HDAC9: variants seen among roughly 807,000 people sequenced by gnomAD.
HDAC9 encodes the protein histone deacetylase 9.
Under a neutral mutation model 139.4 loss-of-function variants are expected in HDAC9, and 41 were observed. The observed-to-expected ratio is 0.29, with a 90% confidence interval of 0.23 to 0.38. The LOEUF (loss-of-function observed/expected upper bound fraction) is 0.38, where lower values mean the gene tolerates loss of function less well. HDAC9 is among the 10% of genes least tolerant of loss of function. The probability of loss-of-function intolerance (pLI) is 1.00; values close to 1 mark genes in which losing one functional copy is unlikely to be tolerated. For synonymous variants in HDAC9, 517 were observed against 476.2 expected (o/e 1.09, Z -1.12); for missense variants, 1,147 against 1,297.0 (o/e 0.88, Z 1.78).
chr7:18,567,159 C>T (rs140582788), intron 2 of HDAC9, among the ~76,000 whole-genome samples: 1,990 of 152,262 alleles, frequency 0.013, 25 homozygotes, highest in Non-Finnish European at 0.018. Flanking sequence ...CCAAATTTAT[C>T]TCGAGGGGAA....
In HDAC9 at chr7:18,705,074, G is replaced by A. The variant is rs143899844; in HGVS notation, c.1732-22506G>A. Among the ~76,000 whole-genome samples the A allele has an allele frequency of 4.4e-4, 67 of 152,210 alleles. 1 individual carries two copies. Among genetic ancestry groups the A allele is most frequent in the Admixed American group, 5.2e-4 (8 of 15,292 alleles). ...ATATGATTTTTTAAATTAAATATGC[G>A]TTCCTGTGTTTAAACACATTAAATG... On this transcript the variant is annotated intron_variant, in intron 12 of 25. Coordinates refer to ENST00000686413, the MANE Select transcript of HDAC9 (RefSeq NM_178425.4).
chr7:18,415,834 G>T (rs1192132914), intron 1 of HDAC9, among the ~76,000 whole-genome samples: 17 of 152,094 alleles, frequency 1.1e-4, no homozygotes. Flanking sequence ...GATTACTATT[G>T]TTATATCTTT....
At chr7:18,952,406 G>A (rs1171265430) in intron 23 of HDAC9, among the ~76,000 whole-genome samples, 1 of 151,934 alleles carries the variant, frequency 6.6e-6, no homozygotes, top group East Asian at 1.9e-4. Flanking sequence ...GCACCTTTCA[G>A]TTTGTCAGGA....
At chr7:18,180,261 A>C (rs187360589) in intron 2 of HDAC9, among the ~76,000 whole-genome samples, 3 of 142,608 alleles carry the variant, frequency 2.1e-5, no homozygotes, top group African/African-American at 7.5e-5. Context: ...ACACACACAC[A>C]CACACACACA....
intron 6 of HDAC9, among the ~76,000 whole-genome samples, chr7:18,595,996 A>G (rs2695026): frequency 0.61 from 92,940 of 151,834 alleles, 31,710 homozygotes; most frequent in Non-Finnish European, 0.77. Flanking sequence ...TATGTTACAA[A>G]CCCTATTTAG....
chr7:18,187,972 A>T (rs1180084063), intron 2 of HDAC9, among the ~76,000 whole-genome samples: 1 of 152,206 alleles, frequency 6.6e-6, no homozygotes, highest in Non-Finnish European at 1.5e-5. Context: ...TACCATTGAC[A>T]TTCTTCACAG....
chr7:18,976,030 T>G, intron 25 of HDAC9, 77 bp downstream of exon 25: 7 of 1,463,100 alleles, frequency 4.8e-6, no homozygotes, highest in Non-Finnish European at 6.5e-6. Context: ...ATCTTCCTCC[T>G]GGCTTTCCTT....
At chr7:18,293,010 A>G (rs560452143) in intron 1 of HDAC9, among the ~76,000 whole-genome samples, 1 of 150,654 alleles carries the variant, frequency 6.6e-6, no homozygotes, top group Non-Finnish European at 1.5e-5. Context: ...TTTTTTCTTC[A>G]CTCAAGGGGA....
At chr7:18,150,212 A>G (rs1786670098) in intron 1 of HDAC9, among the ~76,000 whole-genome samples, 1 of 151,764 alleles carries the variant, frequency 6.6e-6, no homozygotes, top group Non-Finnish European at 1.5e-5. Flanking sequence ...TTTTATTTGT[A>G]TCTAGATATA....
intron 1 of HDAC9, among the ~76,000 whole-genome samples, chr7:18,135,501 G>A (rs1785333669): frequency 7.9e-6 from 1 of 127,230 alleles, no homozygotes; most frequent in Non-Finnish European, 1.6e-5. Flanking sequence ...CCCTTCCTGT[G>A]TCCATGTGAT....
Position 18,761,901 on chromosome 7 carries a change from T to C in HDAC9, c.2044-256T>C, listed in dbSNP as rs185700959. 8.0e-4 allele frequency among the ~76,000 whole-genome samples: 122 copies of C among 152,322 alleles called. 1 individual carries two copies. Among genetic ancestry groups the C allele is most frequent in the Admixed American group, 7.5e-3 (114 of 15,282 alleles). On this transcript the variant is annotated intron_variant, in intron 14 of 25. Coordinates refer to ENST00000686413, the MANE Select transcript of HDAC9 (RefSeq NM_178425.4). ...GAGTTAACTATTAATTTCTGTGTTA[T>C]AGCTTTCTCTTCCATGCCAAATAAG... is the stretch of plus-strand genomic sequence containing the variant.
chr7:18,328,924 G>A (rs937117207), intron 1 of HDAC9, among the ~76,000 whole-genome samples: 4 of 151,732 alleles, frequency 2.6e-5, no homozygotes, highest in African/African-American at 9.7e-5. Flanking sequence ...TGTCAGTGAA[G>A]TCATTAGGTC....
At chr7:18,818,494 C>A (rs370534923) in intron 17 of HDAC9, among the ~76,000 whole-genome samples, 21 of 152,288 alleles carry the variant, frequency 1.4e-4, no homozygotes, top group African/African-American at 5.1e-4. Context: ...CATCTCTTGT[C>A]AGTTTATAAA....
intron 1 of HDAC9, among the ~76,000 whole-genome samples, chr7:18,442,305 A>C (rs1327220395): frequency 6.6e-6 from 1 of 152,126 alleles, no homozygotes; most frequent in South Asian, 2.1e-4. Flanking sequence ...TTTCCTGTCC[A>C]TTCATCTCTC....
At chr7:18,312,445 G>A (rs933289056) in intron 1 of HDAC9, among the ~76,000 whole-genome samples, 8 of 152,178 alleles carry the variant, frequency 5.3e-5, no homozygotes, top group African/African-American at 1.9e-4. Flanking sequence ...TTCAGATTTT[G>A]TTCCACATGT....
At chr7:18,970,077 T>A (rs1784148077) in intron 24 of HDAC9, among the ~76,000 whole-genome samples, 1 of 152,126 alleles carries the variant, frequency 6.6e-6, no homozygotes, top group South Asian at 2.1e-4. Context: ...AAGGATAAAT[T>A]AAAAATGCTA....
At chr7:18,668,525 C>A (rs1206663742) in intron 12 of HDAC9, 2 of 978,754 alleles carry the variant, frequency 2.0e-6, no homozygotes, top group Non-Finnish European at 2.4e-6. Flanking sequence ...GATATGTAAT[C>A]ACAAACAAAA....
intron 1 of HDAC9, among the ~76,000 whole-genome samples, chr7:18,448,230 T>A (rs1377491967): frequency 6.6e-6 from 1 of 152,200 alleles, no homozygotes; most frequent in Non-Finnish European, 1.5e-5. Flanking sequence ...CATAAACTCT[T>A]ATGTGGGAAA....
At chr7:18,125,353 G>A (rs941811093) in intron 1 of HDAC9, among the ~76,000 whole-genome samples, 1 of 152,098 alleles carries the variant, frequency 6.6e-6, no homozygotes, top group Non-Finnish European at 1.5e-5. Flanking sequence ...ATCCTCTGTT[G>A]AGACGCTGAG....
Sources: allele counts gnomAD v4.1 joint callset (sites outside exome capture counted in the v4.1 genomes callset), GRCh38; gene constraint gnomAD v4.1.1; transcripts MANE v1.5; gene names NCBI Gene and HGNC (gene_info 2026-07-23, HGNC 2026-07-21).